MYO10: variants seen among roughly 807,000 people sequenced by gnomAD.
MYO10 encodes unconventional myosin-X.
In MYO10, 133 loss-of-function variants were observed where a neutral mutation model predicts 257.3. The ratio of observed to expected loss-of-function variants is 0.52; its 90% confidence interval spans 0.45 to 0.60. MYO10 has a LOEUF of 0.60. Ranked by LOEUF, MYO10 falls within the 20% of genes least tolerant of loss-of-function variation. The pLI is 0.00. For synonymous variants in MYO10, 1,104 were observed against 1,028.6 expected, an observed-to-expected ratio of 1.07 and a Z score of -1.40; for missense variants, 2,399 against 2,635.7, an observed-to-expected ratio of 0.91 and a Z score of 1.97.
chr5:16,898,413 CTTTT>C (rs34185618), intron 1 of MYO10, among the ~76,000 whole-genome samples: 21 of 136,964 alleles, frequency 1.5e-4, no homozygotes, highest in African/African-American at 3.8e-4. Flanking sequence ...ATTTCTTTCT[CTTTT>C]TTTTTTTTTT....
At chr5:16,738,253 G>T (rs952012229) in intron 19 of MYO10, 1 of 985,284 alleles carries the variant, frequency 1.0e-6, no homozygotes, top group African/African-American at 1.7e-5. Flanking sequence ...GAGGAGGAGG[G>T]GTGGTCAGAG....
intron 5 of MYO10, among the ~76,000 whole-genome samples, 175 bp downstream of exon 5, chr5:16,783,160 T>C (rs1741472088): frequency 6.6e-6 from 1 of 152,204 alleles, no homozygotes; most frequent in Non-Finnish European, 1.5e-5. Context: ...GAAGGAGTTG[T>C]TGCTGGGTTC....
rs754198081 is a variant in MYO10, at chr5:16,711,237, G to C, written c.1938C>G (p.Asp646Glu). The change falls in exon 20 of 41, where the codon GAC becomes GAG. Residue 646 changes from aspartate to glutamate, a missense_variant. Physicochemically the swap from Asp to Glu is conservative, Grantham distance 45. This residue lies in a region of MYO10 where 1,820 missense variants were observed against 1,939.4 expected (regional missense o/e 0.94). Transcript: ENST00000513610. ...CIKPNMQKMP[D>E]QFDQAVVLNQ... ...TCAGCACAACCGCCTGGTCAAACTGGTCTGGCATCTAAACCATGCAAAAAA... is the reference window on the plus strand; with the variant it reads ...TCAGCACAACCGCCTGGTCAAACTGCTCTGGCATCTAAACCATGCAAAAAA... 3.4e-5 allele frequency: 55 copies of C among 1,602,844 alleles called. No homozygotes were observed. Among genetic ancestry groups the C allele is most frequent in the Non-Finnish European group, 4.7e-5 (55 of 1,176,636 alleles).
intron 2 of MYO10, among the ~76,000 whole-genome samples, chr5:16,831,549 G>C (rs900231039): frequency 6.6e-6 from 1 of 150,940 alleles, no homozygotes; most frequent in African/African-American, 2.4e-5. Context: ...CCATAAAAAG[G>C]AATGAATTAA....
chr5:16,843,039 A>G (rs1028649551), intron 2 of MYO10, among the ~76,000 whole-genome samples: 25 of 151,548 alleles, frequency 1.6e-4, no homozygotes, highest in African/African-American at 6.1e-4. Context: ...ATTTCCTTGG[A>G]AACCCTGCTA....
intron 2 of MYO10, among the ~76,000 whole-genome samples, chr5:16,866,146 G>A (rs116453180): frequency 0.013 from 1,925 of 151,546 alleles, 40 homozygotes; most frequent in African/African-American, 0.045. Context: ...GGTATTTGCC[G>A]AAGAAACTAG....
At chr5:16,737,580 T>C (rs567055460) in intron 19 of MYO10, among the ~76,000 whole-genome samples, 46 of 152,370 alleles carry the variant, frequency 3.0e-4, no homozygotes, top group African/African-American at 1.0e-3. Flanking sequence ...TAACAAATGC[T>C]ATATAACAAG....
chr5:16,746,730 G>C (rs1171019845), intron 19 of MYO10, among the ~76,000 whole-genome samples: 2 of 152,202 alleles, frequency 1.3e-5, no homozygotes. Context: ...TTTCTGCAAA[G>C]CAACGAGCAA....
At chr5:16,719,985 C>CGT (rs1211912430) in intron 19 of MYO10, among the ~76,000 whole-genome samples, 9 of 83,928 alleles carry the variant, frequency 1.1e-4, no homozygotes, top group Admixed American at 5.4e-4. Context: ...AATGTGTGTG[C>CGT]GTGCGTGTGT....
At chr5:16,763,441 A>C (rs1363152336) in intron 14 of MYO10, 40 bp downstream of exon 14, 1 of 1,491,336 alleles carries the variant, frequency 6.7e-7, no homozygotes, top group African/African-American at 1.4e-5. Context: ...GTCCAGCTGG[A>C]CCCCCTTGGG....
At chr5:16,835,490 C>CTAT (rs1743283719) in intron 2 of MYO10, among the ~76,000 whole-genome samples, 1 of 63,234 alleles carries the variant, frequency 1.6e-5, no homozygotes, top group Non-Finnish European at 3.3e-5. Flanking sequence ...TCATTTTTGG[C>CTAT]TGTTTTTTTT....
chr5:16,674,763 T>G, intron 35 of MYO10, 90 bp downstream of exon 35: 1 of 1,471,696 alleles, frequency 6.8e-7, no homozygotes, highest in Non-Finnish European at 9.3e-7. Context: ...GTGTCTTCTG[T>G]TCAAAAGCCT....
chr5:16,909,990 A>G (rs1446130879), intron 1 of MYO10, among the ~76,000 whole-genome samples: 1 of 152,158 alleles, frequency 6.6e-6, no homozygotes, highest in Non-Finnish European at 1.5e-5. Context: ...CCTCACCAGA[A>G]GCAGATACTG....
In MYO10 at chr5:16,701,129, T is replaced by C. The variant is rs1738033360; in HGVS notation, c.3266A>G (p.Tyr1089Cys). ...AGDLPSPDGD[Y>C]DYDQDDYEDG... ...CTCATAGTCATCCTGGTCGTAGTCGTAGTCGCCGTCTGGGGAGGGCAAGTC... is the reference window on the plus strand; with the variant it reads ...CTCATAGTCATCCTGGTCGTAGTCGCAGTCGCCGTCTGGGGAGGGCAAGTC... Residue 1089 changes from tyrosine (Y) to cysteine (C), a missense_variant, in exon 25 of 41, where the codon TAC becomes TGC. By Grantham distance (194) the Tyr-to-Cys change is radical. Transcript: ENST00000513610. The surrounding 1 kb of genome is among the most constrained non-coding windows in gnomAD (Gnocchi z 8.1). 2 of 1,597,270 alleles carry C rather than the reference T, an allele frequency of 1.3e-6. No individual in the cohort carries two copies. Among genetic ancestry groups the C allele is most frequent in the Non-Finnish European group, 8.5e-7 (1 of 1,172,274 alleles).
intron 29 of MYO10, 38 bp downstream of exon 29, chr5:16,685,700 T>G: frequency 1.5e-4 from 84 of 577,112 alleles, no homozygotes; most frequent in Non-Finnish European, 2.3e-4. Flanking sequence ...TCCCTGCCCC[T>G]AGACGCCCCA....
At chr5:16,886,503 A>G (rs1473349501) in intron 1 of MYO10, among the ~76,000 whole-genome samples, 1 of 152,112 alleles carries the variant, frequency 6.6e-6, no homozygotes, top group Non-Finnish European at 1.5e-5. Context: ...GTGTTGGGTA[A>G]CTCCCCAGAC....
rs560604634 is a variant in MYO10, at chr5:16,753,708, T to G, written c.1929+1120A>C. On this transcript the variant is annotated intron_variant, in intron 19 of 40. Coordinates refer to ENST00000513610, the MANE Select transcript of MYO10 (RefSeq NM_012334.3). The stretch of plus-strand genomic sequence containing the variant: ...CTGGTCTCAAATTCCTGACCTCATG[T>G]GACCCGCCCACCTCGACCTCCCAAA... 8.3e-4 allele frequency among the ~76,000 whole-genome samples: 126 copies of G among 151,822 alleles called. 1 individual carries two copies. The South Asian group carries it at 0.011, about 13-fold the overall frequency.
intron 2 of MYO10, among the ~76,000 whole-genome samples, chr5:16,842,408 G>A (rs952683457): frequency 6.6e-6 from 1 of 152,088 alleles, no homozygotes; most frequent in African/African-American, 2.4e-5. Flanking sequence ...TCAAAGCGTA[G>A]GGGCTCCAGG....
chr5:16,926,892 A>G (rs1746147851), intron 1 of MYO10, among the ~76,000 whole-genome samples: 1 of 152,226 alleles, frequency 6.6e-6, no homozygotes, highest in South Asian at 2.1e-4. Context: ...ATTACTCATG[A>G]AACATCAACA....
Sources: allele counts gnomAD v4.1 joint callset (sites outside exome capture counted in the v4.1 genomes callset), GRCh38; gene constraint gnomAD v4.1.1; regional missense constraint gnomAD v4.1.1; non-coding constraint Gnocchi (gnomAD v3.1); transcripts MANE v1.5; gene names NCBI Gene and HGNC (gene_info 2026-07-23, HGNC 2026-07-21).